Variants in GADL1 observed in about 807,000 individuals in gnomAD.
GADL1 encodes the protein acidic amino acid decarboxylase GADL1.
A neutral mutation model predicts 69.5 loss-of-function variants in GADL1; 71 were observed. That is an observed-to-expected ratio of 1.02 (90% CI 0.84 to 1.25). GADL1 has a LOEUF of 1.25. Ranked by LOEUF, GADL1 falls within the 50% of genes most tolerant of loss-of-function variation. The probability of loss-of-function intolerance (pLI) is 0.00; values close to 1 mark genes in which losing one functional copy is unlikely to be tolerated. For synonymous variants in GADL1, 254 were observed against 214.4 expected (o/e 1.18, Z -1.62); for missense variants, 737 against 631.8 (o/e 1.17, Z -1.79).
intron 14 of GADL1, among the ~76,000 whole-genome samples, chr3:30,777,476 C>T (rs1010194286): frequency 6.6e-6 from 1 of 152,168 alleles, no homozygotes; most frequent in African/African-American, 2.4e-5. Flanking sequence ...GCATTATGTT[C>T]ATGCATCCAG....
At chr3:30,786,080 C>T (rs1696782840) in intron 13 of GADL1, among the ~76,000 whole-genome samples, 1 of 152,108 alleles carries the variant, frequency 6.6e-6, no homozygotes, top group Non-Finnish European at 1.5e-5. Flanking sequence ...ATTTATATAC[C>T]AAGATAGAGG....
At chr3:30,742,719 T>C (rs1267741115) in intron 14 of GADL1, among the ~76,000 whole-genome samples, 1 of 152,126 alleles carries the variant, frequency 6.6e-6, no homozygotes, top group Admixed American at 6.6e-5. Context: ...ATGTTTAATA[T>C]ATATAGTTCT....
chr3:30,874,502 C>T (rs7633682), intron 1 of GADL1, among the ~76,000 whole-genome samples: 4,198 of 151,894 alleles, frequency 0.028, 167 homozygotes, highest in African/African-American at 0.088. Flanking sequence ...ATTTTGGGAT[C>T]TTAGAGCTTT....
chr3:30,747,625 T>C (rs754839817), intron 14 of GADL1, among the ~76,000 whole-genome samples: 2 of 152,166 alleles, frequency 1.3e-5, no homozygotes, highest in Middle Eastern at 3.2e-3. Flanking sequence ...TGTTTGTTTG[T>C]TTGCTTTTAA....
chr3:30,808,643 TTACA>T (rs1241032268), intron 11 of GADL1, among the ~76,000 whole-genome samples: 7 of 152,216 alleles, frequency 4.6e-5, no homozygotes, highest in African/African-American at 1.7e-4. Context: ...ATACAGATTC[TTACA>T]TTAGCCCACT....
chr3:30,871,273 A>T (rs1400673598), intron 1 of GADL1, among the ~76,000 whole-genome samples: 1 of 151,652 alleles, frequency 6.6e-6, no homozygotes, highest in African/African-American at 2.4e-5. Context: ...CTGCCTTAGA[A>T]AGATGAAGCG....
Position 30,728,009 on chromosome 3 carries a change from C to T in GADL1, c.*233G>A. 1 of 413,310 alleles carries T rather than the reference C, an allele frequency of 2.4e-6. No individual in the cohort carries two copies. Among genetic ancestry groups the T allele is most frequent in the Non-Finnish European group, 4.4e-6 (1 of 229,266 alleles). The allele number at this position is 413,310 out of a possible 1,614,324, so 25.6% of individuals were successfully genotyped here. On this transcript the variant is annotated 3_prime_UTR_variant, in exon 15 of 15. Transcript: ENST00000282538. ...TTCAGAGCTGTGTTCCAGGGGCATT[C>T]CTTGAGAAAATCATTTTTTTTTTTA...
chr3:30,876,003 A>T (rs1317079621), intron 1 of GADL1, among the ~76,000 whole-genome samples: 1 of 151,970 alleles, frequency 6.6e-6, no homozygotes, highest in Non-Finnish European at 1.5e-5. Context: ...CAGGAAGCTG[A>T]TCCGTGACTT....
intron 14 of GADL1, among the ~76,000 whole-genome samples, chr3:30,732,526 G>A (rs1254614448): frequency 6.6e-6 from 1 of 151,970 alleles, no homozygotes; most frequent in Non-Finnish European, 1.5e-5. Flanking sequence ...ATAGAGTCTC[G>A]TTGCACATCG....
intron 10 of GADL1, 23 bp from the exon 11 acceptor site, chr3:30,833,957 G>C: frequency 6.5e-7 from 1 of 1,537,078 alleles, no homozygotes; most frequent in Non-Finnish European, 9.0e-7. Context: ...CAAAGGGACA[G>C]AGTAGGGAGA....
intron 8 of GADL1, among the ~76,000 whole-genome samples, chr3:30,842,201 A>G (rs1036487009): frequency 6.6e-6 from 1 of 152,300 alleles, no homozygotes; most frequent in Non-Finnish European, 1.5e-5. Flanking sequence ...TAAAAGGGCA[A>G]TGGGGAAATT....
intron 11 of GADL1, among the ~76,000 whole-genome samples, chr3:30,802,398 A>G (rs537480253): frequency 7.0e-4 from 107 of 152,334 alleles, no homozygotes; most frequent in Non-Finnish European, 1.5e-3. Flanking sequence ...TGTGGTATGA[A>G]TAGAATAAAC....
rs191003353 is a variant in GADL1, at chr3:30,851,869, T to A, written c.429-928A>T. Among the ~76,000 whole-genome samples, 22 of 152,254 alleles carry A rather than the reference T, an allele frequency of 1.4e-4. No homozygotes were observed. The East Asian group carries it at 3.9e-3, about 27-fold the overall frequency. ...GGGTACTCCTTAATAAACGTCCCAC[T>A]CACTAAACACCATCTAGAGCAGCAT... On this transcript the variant is annotated intron_variant, in intron 4 of 14. Transcript: ENST00000282538.
chr3:30,834,799 T>TGA (rs889106971), intron 9 of GADL1, among the ~76,000 whole-genome samples: 1 of 152,022 alleles, frequency 6.6e-6, no homozygotes, highest in Non-Finnish European at 1.5e-5. Flanking sequence ...TATCTACAAA[T>TGA]GAGAGAGAGG....
At chr3:30,770,529 C>T (rs1012653689) in intron 14 of GADL1, among the ~76,000 whole-genome samples, 1 of 152,184 alleles carries the variant, frequency 6.6e-6, no homozygotes, top group Admixed American at 6.5e-5. Flanking sequence ...TCCTTGGCCT[C>T]ATCTCCCATG....
intron 13 of GADL1, among the ~76,000 whole-genome samples, chr3:30,779,364 C>T (rs1575201150): frequency 6.6e-6 from 1 of 152,290 alleles, no homozygotes; most frequent in African/African-American, 2.4e-5. Context: ...CAACAGTTCT[C>T]AATAACTGTC....
At chr3:30,861,039 A>C (rs1698312687) in intron 2 of GADL1, among the ~76,000 whole-genome samples, 1 of 151,972 alleles carries the variant, frequency 6.6e-6, no homozygotes, top group African/African-American at 2.4e-5. Flanking sequence ...ATTTGAATTG[A>C]ATTTGAGCCT....
chr3:30,858,355 G>A (rs2125535601), intron 2 of GADL1, among the ~76,000 whole-genome samples: 1 of 152,158 alleles, frequency 6.6e-6, no homozygotes, highest in South Asian at 2.1e-4. Flanking sequence ...GATCATATTT[G>A]TGTTTGGGGC....
At chr3:30,820,341 C>T (rs1697550416) in intron 11 of GADL1, among the ~76,000 whole-genome samples, 1 of 151,888 alleles carries the variant, frequency 6.6e-6, no homozygotes, top group South Asian at 2.1e-4. Flanking sequence ...CTTCTGTTTA[C>T]CGAACATATT....
Sources: allele counts gnomAD v4.1 joint callset (sites outside exome capture counted in the v4.1 genomes callset), GRCh38; gene constraint gnomAD v4.1.1; transcripts MANE v1.5; gene names NCBI Gene and HGNC (gene_info 2026-07-23, HGNC 2026-07-21).